The following ACYP2 variants were observed in gnomAD, a reference collection of about 807,000 sequenced individuals.
The protein encoded by ACYP2 is acylphosphatase-2.
In ACYP2, 12 loss-of-function variants were observed where a neutral mutation model predicts 11.2. That is an observed-to-expected ratio of 1.08 (90% confidence interval 0.69 to 1.74). The LOEUF is 1.74. Ranked by LOEUF, ACYP2 falls within the 40% of genes most tolerant of loss-of-function variation. ACYP2 has a pLI of 0.00. For missense variants in ACYP2, 134 were observed against 101.9 expected, an observed-to-expected ratio of 1.31 and a Z score of -1.35; for synonymous variants, 43 against 32.2, an observed-to-expected ratio of 1.33 and a Z score of -1.13.
chr2:54,266,027 A>C (rs1558655341), intron 6 of ACYP2, among the ~76,000 whole-genome samples: 2 of 152,194 alleles, frequency 1.3e-5, no homozygotes, highest in Non-Finnish European at 2.9e-5. Context: ...ATATTGCAAA[A>C]AGTAGAGTGT....
chr2:54,136,373 A>C (rs1449568628), intron 5 of ACYP2, among the ~76,000 whole-genome samples: 1 of 152,004 alleles, frequency 6.6e-6, no homozygotes, highest in Non-Finnish European at 1.5e-5. Flanking sequence ...CCTACAACTT[A>C]ATTGTGGCAT....
intron 6 of ACYP2, among the ~76,000 whole-genome samples, chr2:54,224,743 T>C (rs893838359): frequency 6.6e-6 from 1 of 152,220 alleles, no homozygotes; most frequent in African/African-American, 2.4e-5. Context: ...TTTGGCTGCC[T>C]CCTTTCTGTA....
chr2:54,120,651 A>G (rs1385599926), intron 4 of ACYP2, among the ~76,000 whole-genome samples: 1 of 152,112 alleles, frequency 6.6e-6, no homozygotes, highest in African/African-American at 2.4e-5. Flanking sequence ...GCTTGGGCCC[A>G]CTGGGCTTAC....
At chr2:54,256,001 G>C in intron 6 of ACYP2, 3 of 1,614,168 alleles carry the variant, frequency 1.9e-6, no homozygotes, top group Non-Finnish European at 2.5e-6. Flanking sequence ...AGCCGGGGCG[G>C]TGGGAACACG....
chr2:54,304,150 T>A (rs1689828567), intron 6 of ACYP2, among the ~76,000 whole-genome samples: 1 of 152,116 alleles, frequency 6.6e-6, no homozygotes. Flanking sequence ...CATTTTTTCT[T>A]AATATTTTTC....
chr2:54,159,041 C>A (rs564968797), intron 6 of ACYP2, among the ~76,000 whole-genome samples: 8 of 152,142 alleles, frequency 5.3e-5, no homozygotes, highest in African/African-American at 1.4e-4. Context: ...TATACTCTCT[C>A]TATATAGTAT....
intron 4 of ACYP2, among the ~76,000 whole-genome samples, chr2:54,099,232 C>G (rs1678755171): frequency 1.3e-5 from 2 of 152,062 alleles, no homozygotes; most frequent in Admixed American, 1.3e-4. Flanking sequence ...GCAGAATGGC[C>G]AAATCAAGCT....
rs988331769 is a variant in ACYP2 at position 53,986,030 on chromosome 2, CA to C, written c.62+12222del. 6.6e-5 allele frequency among the ~76,000 whole-genome samples: 10 copies of C among 152,002 alleles called. 1 individual carries two copies. The highest frequency in any genetic ancestry group is 3.9e-4 in the Admixed American group (6 of 15,246). The stretch of plus-strand genomic sequence containing the variant: ...GTTCACCTGTAATCCCAGCTCCTCG[CA>C]AGGCTGAGGCAGGAGAATCCTGGAG... On this transcript the variant is annotated intron_variant, in intron 2 of 6. Transcript: ENST00000607452.
chr2:54,205,273 G>A (rs917549021), intron 6 of ACYP2, among the ~76,000 whole-genome samples: 33 of 152,162 alleles, frequency 2.2e-4, no homozygotes, highest in African/African-American at 7.0e-4. Context: ...AAAATTCTGA[G>A]ACAGCATCTG....
rs576965876 is a variant in ACYP2 at position 54,032,140 on chromosome 2, A to G, written c.63-18818A>G. Among the ~76,000 whole-genome samples, 599 of 152,070 alleles carry G rather than the reference A, an allele frequency of 3.9e-3. 2 individuals carry two copies. The highest frequency in any genetic ancestry group is 0.01 in the Middle Eastern group (3 of 294). On this transcript the variant is annotated intron_variant, in intron 2 of 6. Coordinates refer to ENST00000607452, the MANE Select transcript of ACYP2 (RefSeq NM_001320586.2). Reference sequence around the variant, plus strand: ...AAGCTCTTTAGTTTAATTAGATCCCATTTGTCTATTTTGGCTTTTGTTGCC... The same window carrying G: ...AAGCTCTTTAGTTTAATTAGATCCCGTTTGTCTATTTTGGCTTTTGTTGCC...
At chr2:54,043,817 C>T (rs1008517404) in intron 2 of ACYP2, among the ~76,000 whole-genome samples, 1 of 152,260 alleles carries the variant, frequency 6.6e-6, no homozygotes, top group Admixed American at 6.5e-5. Context: ...ACATCAACCC[C>T]TGCAGTCCAC....
At chr2:54,080,893 T>A (rs1677611712) in intron 4 of ACYP2, among the ~76,000 whole-genome samples, 1 of 152,194 alleles carries the variant, frequency 6.6e-6, no homozygotes, top group Non-Finnish European at 1.5e-5. Flanking sequence ...CCCAAAGTGA[T>A]AGGATTATAG....
chr2:54,284,126 C>T (rs547678048), intron 6 of ACYP2, among the ~76,000 whole-genome samples: 30 of 152,172 alleles, frequency 2.0e-4, no homozygotes, highest in Non-Finnish European at 3.8e-4. Flanking sequence ...AAGATTATAA[C>T]AGTTCTTATA....
chr2:54,148,489 T>C (rs916495290), intron 6 of ACYP2, among the ~76,000 whole-genome samples: 24 of 152,226 alleles, frequency 1.6e-4, no homozygotes, highest in African/African-American at 5.1e-4. Context: ...TTTGCTACTA[T>C]GTTATGACCC....
chr2:54,115,593 G>C (rs370559800), intron 4 of ACYP2, 22 bp from the exon 1 acceptor site: 1 of 1,544,628 alleles, frequency 6.5e-7, no homozygotes, highest in Admixed American at 2.0e-5. Flanking sequence ...GGTGACAGGC[G>C]CGGGGTGCGC....
intron 6 of ACYP2, among the ~76,000 whole-genome samples, chr2:54,247,105 TAGC>T (rs1686989582): frequency 6.6e-6 from 1 of 152,242 alleles, no homozygotes; most frequent in Admixed American, 6.5e-5. Context: ...TTAGGTCTTA[TAGC>T]AGCGTTTTTT....
chr2:54,237,459 T>G (rs1260902599), intron 6 of ACYP2, among the ~76,000 whole-genome samples: 1 of 152,246 alleles, frequency 6.6e-6, no homozygotes, highest in East Asian at 1.9e-4. Context: ...AGACTATCGA[T>G]ACAAATTCTC....
At chr2:54,207,171 A>ATGTGTGTG (rs1462290345) in intron 6 of ACYP2, among the ~76,000 whole-genome samples, 34 of 68,488 alleles carry the variant, frequency 5.0e-4, no homozygotes, top group Admixed American at 2.2e-3. Context: ...TACAACATGT[A>ATGTGTGTG]TATGTGTGTG....
intron 6 of ACYP2, among the ~76,000 whole-genome samples, chr2:54,159,915 C>A (rs945099688): frequency 6.6e-6 from 1 of 152,106 alleles, no homozygotes; most frequent in South Asian, 2.1e-4. Flanking sequence ...CTTGTCTCCA[C>A]GCCTTGCTGA....
Sources: allele counts gnomAD v4.1 joint callset (sites outside exome capture counted in the v4.1 genomes callset), GRCh38; gene constraint gnomAD v4.1.1; transcripts MANE v1.5; gene names NCBI Gene and HGNC (gene_info 2026-07-23, HGNC 2026-07-21).